The following EVC2 variants were observed in gnomAD, a reference collection of about 807,000 sequenced individuals.
EVC2 encodes the protein limbin.
EVC2 carries 148 observed loss-of-function variants against 149.3 expected under a neutral mutation model. The observed-to-expected ratio is 0.99, with a 90% CI of 0.87 to 1.14. The LOEUF (loss-of-function observed/expected upper bound fraction) is 1.14, where lower values mean the gene tolerates loss of function less well. Among genes scored for constraint, EVC2 ranks in the 50% most tolerant of loss-of-function variants. EVC2 has a pLI of 0.00. For missense variants in EVC2, 1,854 were observed against 1,627.3 expected (o/e 1.14, Z -2.40); for synonymous variants, 776 against 649.9 (o/e 1.19, Z -2.95).
intron 21 of EVC2, among the ~76,000 whole-genome samples, chr4:5,553,440 T>C (rs1344470707): frequency 2.0e-5 from 3 of 152,140 alleles, no homozygotes; most frequent in African/African-American, 7.2e-5. Flanking sequence ...ACCCAAACCA[T>C]ATCACTGCCT....
At chr4:5,629,564 C>T (rs1370619843) in intron 11 of EVC2, among the ~76,000 whole-genome samples, 1 of 152,232 alleles carries the variant, frequency 6.6e-6, no homozygotes, top group Non-Finnish European at 1.5e-5. Context: ...ATCACCCATA[C>T]AATGGATAAC....
intron 9 of EVC2, among the ~76,000 whole-genome samples, chr4:5,648,951 A>T (rs543104395): frequency 2.0e-5 from 3 of 152,312 alleles, no homozygotes; most frequent in African/African-American, 7.2e-5. Context: ...AGAATTCTTC[A>T]TTTCCATACA....
At chr4:5,611,443 T>C (rs1714814350) in intron 16 of EVC2, among the ~76,000 whole-genome samples, 1 of 150,704 alleles carries the variant, frequency 6.6e-6, no homozygotes, top group Non-Finnish European at 1.5e-5. Context: ...GCCTATTTAA[T>C]TATACAAAGA....
chr4:5,579,567 C>G (rs553510151), intron 17 of EVC2, among the ~76,000 whole-genome samples: 9 of 152,152 alleles, frequency 5.9e-5, no homozygotes, highest in Admixed American at 5.9e-4. Flanking sequence ...CGAGGCTGGG[C>G]GTGGTAGCTC....
At chr4:5,532,262 G>A in the EVC2 span, among the ~76,000 whole-genome samples, 5 of 152,106 alleles carry the variant, frequency 3.3e-5, no homozygotes, top group African/African-American at 9.7e-5. Flanking sequence ...TTGCTTAGGG[G>A]AGGTCAGTTT....
intron 9 of EVC2, among the ~76,000 whole-genome samples, chr4:5,642,819 T>G (rs1460716882): frequency 6.6e-6 from 1 of 152,236 alleles, no homozygotes; most frequent in Non-Finnish European, 1.5e-5. Context: ...ATTATAAAAT[T>G]TGCAAGGGCT....
chr4:5,708,808 G>GTA (rs1560246600), upstream of EVC2: 1 of 312,766 alleles, frequency 3.2e-6, no homozygotes, highest in Non-Finnish European at 5.8e-6. Flanking sequence ...GGACCCCAAG[G>GTA]GCCCCTCCGC....
chr4:5,584,268 T>A (rs4234708), intron 17 of EVC2, among the ~76,000 whole-genome samples: 64,804 of 152,034 alleles, frequency 0.43, 14,711 homozygotes, highest in East Asian at 0.86. Context: ...TAGAATTTTT[T>A]AAATAATAAA....
chr4:5,645,249 CTTTTTT>C (rs11351682), intron 9 of EVC2, among the ~76,000 whole-genome samples: 4 of 140,980 alleles, frequency 2.8e-5, no homozygotes, highest in Non-Finnish European at 6.2e-5. Flanking sequence ...ACATCCACCT[CTTTTTT>C]TTTTTTTTTT....
chr4:5,643,836 A>G (rs896136575), intron 9 of EVC2, among the ~76,000 whole-genome samples: 21 of 152,278 alleles, frequency 1.4e-4, no homozygotes, highest in Middle Eastern at 6.8e-3. Context: ...CGGAGGTTGC[A>G]GTTGGCCAAG....
chr4:5,576,760 G>C lies in EVC2; in HGVS notation c.3058-306C>G, dbSNP rs995900939. ...ACTCCTTGGTGAAGGGCTCCTCAGCGAAAGGATCCCTGAGTTCCTTGGGAG... is the reference window on the plus strand; with the variant it reads ...ACTCCTTGGTGAAGGGCTCCTCAGCCAAAGGATCCCTGAGTTCCTTGGGAG... On this transcript the variant is annotated intron_variant, in intron 17 of 21. Transcript: ENST00000344408. The surrounding 1 kb of genome is among the most constrained non-coding windows in gnomAD (Gnocchi z 4.5). 6.6e-6 allele frequency among the ~76,000 whole-genome samples: 1 copy of C among 152,184 alleles called. No individual in the cohort carries two copies. Among genetic ancestry groups the C allele is most frequent in the Non-Finnish European group, 1.5e-5 (1 of 68,024 alleles).
rs73063792 is a variant in EVC2, at chr4:5,640,048, C to T, written c.1470+466G>A. Reference sequence around the variant, plus strand: ...GAGTGATAATGGGCAGATGGGTGGACGGGTAGATGGAGGGGAAGCATGGGT... The same window carrying T: ...GAGTGATAATGGGCAGATGGGTGGATGGGTAGATGGAGGGGAAGCATGGGT... On this transcript the variant is annotated intron_variant, in intron 10 of 21. Transcript: ENST00000344408. The surrounding 1 kb of genome is among the most constrained non-coding windows in gnomAD (Gnocchi z 4.6). 0.016 allele frequency among the ~76,000 whole-genome samples: 2,427 copies of T among 151,098 alleles called. 63 individuals carry two copies. The highest frequency in any genetic ancestry group is 0.055 in the African/African-American group (2,281 of 41,158).
At chr4:5,697,871 G>A (rs924919988) in intron 1 of EVC2, among the ~76,000 whole-genome samples, 13 of 151,132 alleles carry the variant, frequency 8.6e-5, no homozygotes, top group African/African-American at 2.7e-4. Flanking sequence ...TCAGCCTCCC[G>A]AGTAGCTGGG....
At chr4:5,534,861 G>GAAC in the EVC2 span, among the ~76,000 whole-genome samples, 2 of 143,958 alleles carry the variant, frequency 1.4e-5, no homozygotes, top group African/African-American at 5.1e-5. Context: ...CTATTTGAAT[G>GAAC]AACAAAGGAA....
At chr4:5,641,687 T>G (rs747454620) in intron 9 of EVC2, among the ~76,000 whole-genome samples, 1 of 152,174 alleles carries the variant, frequency 6.6e-6, no homozygotes, top group African/African-American at 2.4e-5. Context: ...TAAAAATACA[T>G]CTGAAAACAA....
chr4:5,672,617 G>C (rs570295352), intron 7 of EVC2, among the ~76,000 whole-genome samples: 12 of 152,276 alleles, frequency 7.9e-5, no homozygotes, highest in African/African-American at 2.4e-4. Flanking sequence ...CCAGCTCTGA[G>C]AGGCAATAGG....
At chr4:5,579,680 A>T (rs1022141982) in intron 17 of EVC2, among the ~76,000 whole-genome samples, 2 of 152,136 alleles carry the variant, frequency 1.3e-5, no homozygotes, top group African/African-American at 4.8e-5. Context: ...TGTCTCTACT[A>T]AAAATACAAA....
At chr4:5,608,056 C>A (rs1714537794) in intron 16 of EVC2, among the ~76,000 whole-genome samples, 1 of 152,116 alleles carries the variant, frequency 6.6e-6, no homozygotes, top group South Asian at 2.1e-4. Context: ...TGGAGGCAGA[C>A]ACACCAACTC....
intron 9 of EVC2, among the ~76,000 whole-genome samples, chr4:5,651,438 G>C (rs1353034201): frequency 6.6e-6 from 1 of 152,090 alleles, no homozygotes; most frequent in African/African-American, 2.4e-5. Context: ...ATGGCGGAAT[G>C]AGTAGGTGTA....
Sources: gnomAD v4.1 joint callset for allele counts (sites outside exome capture counted in the v4.1 genomes callset) on GRCh38, gnomAD v4.1.1 for gene constraint, Gnocchi (gnomAD v3.1) non-coding constraint, MANE v1.5 for transcripts, NCBI Gene and HGNC (gene_info 2026-07-23, HGNC 2026-07-21) for gene names.